ZNF707: variants seen among roughly 807,000 people sequenced by gnomAD.
ZNF707 encodes the protein zinc finger protein 707.
Under a neutral mutation model 13.3 loss-of-function variants are expected in ZNF707, and 8 were observed. The observed-to-expected ratio is 0.60, with a 90% confidence interval of 0.35 to 1.09. The LOEUF is 1.09. ZNF707 is among the 50% of genes least tolerant of loss of function. The pLI, the probability that ZNF707 is intolerant of heterozygous loss-of-function variation, is 0.02. For missense variants in ZNF707, 530 were observed against 512.6 expected (o/e 1.03, Z -0.33); for synonymous variants, 225 against 205.6 (o/e 1.09, Z -0.81).
chr8:143,686,184 G>A (rs529167687), intron 1 of ZNF707, among the ~76,000 whole-genome samples: 12 of 151,928 alleles, frequency 7.9e-5, no homozygotes, highest in East Asian at 7.7e-4. Context: ...TGCAACCTCC[G>A]CCTCCCGGGT....
At position 143,695,076 on chromosome 8, in the gene ZNF707, C is replaced by CT. The variant is rs1261787923; in HGVS notation, c.*546_*547insT. Reference sequence around the variant, plus strand: ...AAACAAGAGCCTTTGTAATACTGAACCTCATTCAAGGATTAGGAGTGGTGG... The same window carrying CT: ...AAACAAGAGCCTTTGTAATACTGAACTCTCATTCAAGGATTAGGAGTGGTGG... On this transcript the variant is annotated 3_prime_UTR_variant, in exon 6 of 6. Transcript: ENST00000358656. 2 of 153,332 alleles carry CT rather than the reference C, an allele frequency of 1.3e-5. No homozygotes were observed. The highest frequency in any genetic ancestry group is 4.8e-5 in the African/African-American group (2 of 41,468). 9.5% of individuals were successfully genotyped at this position (153,332 alleles called of 1,614,324 possible).
chr8:143,692,244 G>C, intron 5 of ZNF707: 2 of 1,290,196 alleles, frequency 1.6e-6, no homozygotes, highest in Middle Eastern at 2.1e-4. Context: ...TACATTTTCA[G>C]AGTGGGATGG....
rs1554615001 is a variant in ZNF707, at chr8:143,694,944, G to A, written c.*414G>A. The A allele has an allele frequency of 1.1e-5, 2 of 187,174 alleles. No homozygotes were observed. The highest frequency in any genetic ancestry group is 2.8e-4 in the East Asian group (2 of 7,124). The allele number at this position is 187,174 out of a possible 1,614,324, so 11.6% of individuals were successfully genotyped here. A position where few individuals can be genotyped will look rare whatever the true frequency, so the allele number is the denominator to read the frequency against. ...TTTCCTTCCTGGCTCTGCACCCCAT[G>A]CTGGCTGCCCGGTCTGGCTTCCCTT... On this transcript the variant is annotated 3_prime_UTR_variant, in exon 6 of 6. Transcript: ENST00000358656. This position sits in a 1 kb window ranked among gnomAD's most constrained non-coding sequence, Gnocchi z 4.4.
chr8:143,693,907 G>C lies in ZNF707; in HGVS notation c.493G>C (p.Glu165Gln), dbSNP rs1554614401. ...QRCGRRPGRR[E>Q]RRKQRAVELS... Reference sequence around the variant, plus strand: ...TTGTGGGCGGCGGCCGGGCCGCAGAGAGCGCCGGAAGCAGCGCGCAGTAGA... The same window carrying C: ...TTGTGGGCGGCGGCCGGGCCGCAGACAGCGCCGGAAGCAGCGCGCAGTAGA... Residue 165 changes from glutamate to glutamine, a missense_variant, in exon 6 of 6, where the codon GAG becomes CAG. By Grantham distance (29) the Glu-to-Gln change is conservative. Coordinates refer to ENST00000358656, the MANE Select transcript of ZNF707 (RefSeq NM_001100598.2). The surrounding 1 kb of genome is among the most constrained non-coding windows in gnomAD (Gnocchi z 4.1). 2 of 1,606,006 alleles carry C rather than the reference G, an allele frequency of 1.2e-6. No individual in the cohort carries two copies. Among genetic ancestry groups the C allele is most frequent in the Non-Finnish European group, 1.7e-6 (2 of 1,175,472 alleles).
In ZNF707 at chr8:143,694,209, T is replaced by C. The variant is rs1554614656; in HGVS notation, c.795T>C (p.Cys265=). 2 of 1,578,080 alleles carry C rather than the reference T, an allele frequency of 1.3e-6. No homozygotes were observed. Among genetic ancestry groups the C allele is most frequent in the Non-Finnish European group, 1.7e-6 (2 of 1,162,648 alleles). The part of the protein sequence containing the change: ...TEHRPYSCGD[C]GKAFKQKSNL... ...ACAGGCCCTACTCGTGTGGCGACTG[T>C]GGGAAAGCCTTCAAGCAGAAGTCCA... Residue 265 remains cysteine (C), a synonymous_variant, in exon 6 of 6, where the codon TGT becomes TGC. Transcript: ENST00000358656. The surrounding 1 kb of genome is among the most constrained non-coding windows in gnomAD (Gnocchi z 4.4).
At chr8:143,692,017 C>T (rs936538819) in intron 5 of ZNF707, 60 of 1,427,592 alleles carry the variant, frequency 4.2e-5, no homozygotes, top group African/African-American at 8.5e-5. Flanking sequence ...AGGTGCTGTC[C>T]GGCGGAGGCC....
rs1430668741 is a variant in ZNF707, at chr8:143,694,568, G to A, written c.*38G>A. On this transcript the variant is annotated 3_prime_UTR_variant, in exon 6 of 6. Transcript: ENST00000358656. The surrounding 1 kb of genome is among the most constrained non-coding windows in gnomAD (Gnocchi z 4.4). Reference sequence around the variant, plus strand: ...AGTGGGGTGCTGCGCCTCTGCGGGAGTACTGGGTCCTGAGGGAGAGCTGCA... The same window carrying A: ...AGTGGGGTGCTGCGCCTCTGCGGGAATACTGGGTCCTGAGGGAGAGCTGCA... 6 of 1,540,348 alleles carry A rather than the reference G, an allele frequency of 3.9e-6. No individual in the cohort carries two copies. Among genetic ancestry groups the A allele is most frequent in the Non-Finnish European group, 4.4e-6 (5 of 1,141,080 alleles).
In ZNF707 at chr8:143,694,430, T is replaced by A; in HGVS notation, c.1016T>A (p.Leu339Gln). Residue 339 changes from leucine to glutamine, a missense_variant, in exon 6 of 6, where the codon CTG becomes CAG. Leu to Gln is a moderately radical substitution (Grantham distance 113, BLOSUM62 -2). Transcript: ENST00000358656. The surrounding 1 kb of genome is among the most constrained non-coding windows in gnomAD (Gnocchi z 4.4). Reference sequence around the variant, plus strand: ...TTCAGCATCCACCGGAGGCTGCACCTGACGAAGAGGTTCTACGAGTGCGGC... The same window carrying A: ...TTCAGCATCCACCGGAGGCTGCACCAGACGAAGAGGTTCTACGAGTGCGGC... ...KGFSIHRRLH[L>Q]TKRFYECGHC... 2 of 1,612,446 alleles carry A rather than the reference T, an allele frequency of 1.2e-6. No homozygotes were observed. The highest frequency in any genetic ancestry group is 2.2e-5 in the South Asian group (2 of 91,020).
At chr8:143,691,262 T>G in intron 4 of ZNF707, 63 bp downstream of exon 4, 2 of 1,548,730 alleles carry the variant, frequency 1.3e-6, no homozygotes, top group Non-Finnish European at 1.7e-6. Context: ...TGCCGCTGCC[T>G]CTGGGCCCAG....
intron 1 of ZNF707, among the ~76,000 whole-genome samples, chr8:143,685,400 T>C (rs1554611672): frequency 1.3e-5 from 2 of 151,986 alleles, no homozygotes; most frequent in Non-Finnish European, 2.9e-5. Flanking sequence ...GGTGCACGCC[T>C]GTAATCCCAG....
chr8:143,690,011 G>T (rs1257506728), intron 2 of ZNF707, 46 bp from the exon 3 acceptor site: 2 of 1,501,806 alleles, frequency 1.3e-6, no homozygotes, highest in African/African-American at 1.4e-5. Flanking sequence ...GGTGCGGGGG[G>T]CATTCCCAGG....
At chr8:143,689,353 G>A (rs938011433) in intron 2 of ZNF707, 52 bp downstream of exon 2, 1 of 152,630 alleles carries the variant, frequency 6.6e-6, no homozygotes, top group African/African-American at 2.4e-5. Flanking sequence ...CTTCTCAGGG[G>A]TGCCTGTGGG....
chr8:143,685,766 C>T (rs1156827706), intron 1 of ZNF707, among the ~76,000 whole-genome samples: 2 of 152,096 alleles, frequency 1.3e-5, no homozygotes, highest in Non-Finnish European at 2.9e-5. Flanking sequence ...TCACTTGAGC[C>T]CAGGAGGTCG....
chr8:143,694,040 G>A lies in ZNF707; in HGVS notation c.626G>A (p.Cys209Tyr), dbSNP rs1337865331. Reference protein sequence around the residue: ...TGTKAFECPECGQTFRWASNL... With the variant: ...TGTKAFECPEYGQTFRWASNL... Reference sequence around the variant, plus strand: ...ACCAAGGCCTTCGAGTGCCCCGAGTGCGGCCAGACCTTCCGGTGGGCTTCA... The same window carrying A: ...ACCAAGGCCTTCGAGTGCCCCGAGTACGGCCAGACCTTCCGGTGGGCTTCA... The change falls in exon 6 of 6, where the codon TGC becomes TAC. Residue 209 changes from cysteine to tyrosine, a missense_variant. Physicochemically the swap from Cys to Tyr is radical, Grantham distance 194. Transcript: ENST00000358656. This position sits in a 1 kb window ranked among gnomAD's most constrained non-coding sequence, Gnocchi z 4.4. The A allele has an allele frequency of 1.2e-6, 2 of 1,607,218 alleles. No homozygotes were observed. The highest frequency in any genetic ancestry group is 1.7e-6 in the Non-Finnish European group (2 of 1,177,778).
intron 4 of ZNF707, 33 bp downstream of exon 4, chr8:143,691,232 G>A: frequency 1.3e-6 from 2 of 1,586,576 alleles, no homozygotes; most frequent in Non-Finnish European, 1.7e-6. Context: ...GTGAGCACAG[G>A]GTGAGTGCTG....
At chr8:143,687,331 G>A (rs1204378655) in intron 1 of ZNF707, 1 of 152,076 alleles carries the variant, frequency 6.6e-6, no homozygotes, top group Non-Finnish European at 1.5e-5. Context: ...TTTTTTGTTT[G>A]TTTGTTTTTG....
At position 143,694,961 on chromosome 8, in the gene ZNF707, G is replaced by GCTTCCCTTCTTGTCTCTGT. The variant is rs1417173841; in HGVS notation, c.*435_*453dup. 5.6e-6 allele frequency: 1 copy of GCTTCCCTTCTTGTCTCTGT among 179,696 alleles called. No homozygotes were observed. The highest frequency in any genetic ancestry group is 2.4e-5 in the African/African-American group (1 of 42,322). 11.1% of individuals were successfully genotyped at this position (179,696 alleles called of 1,614,324 possible). A position where few individuals can be genotyped will look rare whatever the true frequency, so the allele number is the denominator to read the frequency against. On this transcript the variant is annotated 3_prime_UTR_variant, in exon 6 of 6. Coordinates refer to ENST00000358656, the MANE Select transcript of ZNF707 (RefSeq NM_001100598.2). This position sits in a 1 kb window ranked among gnomAD's most constrained non-coding sequence, Gnocchi z 4.4. ...CACCCCATGCTGGCTGCCCGGTCTG[G>GCTTCCCTTCTTGTCTCTGT]CTTCCCTTCTTGTCTCTGTCTTGGG... is the stretch of plus-strand genomic sequence containing the variant.
rs1554614068 is a variant in ZNF707 at position 143,693,004 on chromosome 8, G to A, written c.257-667G>A. On this transcript the variant is annotated intron_variant, in intron 5 of 5. Coordinates refer to ENST00000358656, the MANE Select transcript of ZNF707 (RefSeq NM_001100598.2). The surrounding 1 kb of genome is among the most constrained non-coding windows in gnomAD (Gnocchi z 4.1). ...TAGCACCACCTCCACCCGCATGAGT[G>A]GGGCCTGCTGGCGTGGACAGGGTGA... Among the ~76,000 whole-genome samples the A allele has an allele frequency of 1.3e-5, 2 of 152,144 alleles. No homozygotes were observed. The highest frequency in any genetic ancestry group is 4.8e-5 in the African/African-American group (2 of 41,428).
intron 5 of ZNF707, chr8:143,692,456 G>T: frequency 2.7e-6 from 1 of 368,914 alleles, no homozygotes; most frequent in Non-Finnish European, 5.2e-6. Context: ...CGGGTGTGTG[G>T]AGCCCCCGGC....
Sources: gnomAD v4.1 joint callset for allele counts (sites outside exome capture counted in the v4.1 genomes callset) on GRCh38, gnomAD v4.1.1 for gene constraint, Gnocchi (gnomAD v3.1) non-coding constraint, MANE v1.5 for transcripts, NCBI Gene and HGNC (gene_info 2026-07-23, HGNC 2026-07-21) for gene names.